Variants in COL6A3 observed in about 807,000 individuals in gnomAD.
COL6A3 encodes collagen alpha-3(VI) chain.
In COL6A3, 137 loss-of-function variants were observed where a neutral mutation model predicts 274.1. That is an observed-to-expected ratio of 0.50 (90% CI 0.44 to 0.58). The LOEUF is 0.58. Ranked by LOEUF, COL6A3 falls within the 20% of genes least tolerant of loss-of-function variation. The pLI, the probability that COL6A3 is intolerant of heterozygous loss-of-function variation, is 0.00. For synonymous variants in COL6A3, 1,650 were observed against 1,650.6 expected (o/e 1.00, Z 0.01); for missense variants, 3,950 against 4,124.9 (o/e 0.96, Z 1.16).
chr2:237,346,360 T>G, intron 32 of COL6A3, 143 bp downstream of exon 32: 2 of 718,340 alleles, frequency 2.8e-6, no homozygotes, highest in Non-Finnish European at 5.1e-6. Context: ...TGCATCATGA[T>G]GTCAGAGAGG....
rs991483917 is a variant in COL6A3, at chr2:237,374,071, C to T, written c.3679+341G>A. On this transcript the variant is annotated intron_variant, in intron 8 of 43. Coordinates refer to ENST00000295550, the MANE Select transcript of COL6A3 (RefSeq NM_004369.4). The surrounding 1 kb of genome is among the most constrained non-coding windows in gnomAD (Gnocchi z 4.8). ...CCTACCAGGGGTCGCAGGACTGATA[C>T]GCAACAGGCGTTATCAGTTAGACGG... 2.0e-5 allele frequency among the ~76,000 whole-genome samples: 3 copies of T among 152,168 alleles called. No individual in the cohort carries two copies. The highest frequency in any genetic ancestry group is 6.5e-5 in the Admixed American group (1 of 15,282).
At chr2:237,409,186 T>C (rs2078792833) in intron 1 of COL6A3, among the ~76,000 whole-genome samples, 1 of 152,204 alleles carries the variant, frequency 6.6e-6, no homozygotes. Flanking sequence ...AGTAGTTTTT[T>C]TGATATTTCA....
rs531096589 is a variant in COL6A3 at position 237,412,025 on chromosome 2, C to A, written c.-31+1928G>T. Among the ~76,000 whole-genome samples, 300 of 152,340 alleles carry A rather than the reference C, an allele frequency of 2.0e-3. 1 individual carries two copies. Among genetic ancestry groups the A allele is most frequent in the African/African-American group, 6.5e-3 (272 of 41,572 alleles). On this transcript the variant is annotated intron_variant, in intron 1 of 43. Transcript: ENST00000295550. The stretch of plus-strand genomic sequence containing the variant: ...TCCTTCCCAAGCCCTCTGCTCCACT[C>A]AGTGTCTGCTTCCTGGCTTCTCTCG...
intron 3 of COL6A3, among the ~76,000 whole-genome samples, chr2:237,390,532 A>G (rs532555495): frequency 6.6e-6 from 1 of 152,206 alleles, no homozygotes. Context: ...GCACAATTTA[A>G]AAGCTTTAAA....
In COL6A3 at chr2:237,380,951, G is replaced by A. The variant is rs562967650; in HGVS notation, c.1861C>T (p.Leu621=). ...CCAGAGAGGGTCCTGAGAGGTGCCA[G>A]CAAGCCAGGCAGCATGCCTTGCAAT... ...APLQGMLPGL[L]APLRTLSGTP... is the part of the protein sequence containing the mutation. The change falls in exon 5 of 44, where the codon CTG becomes TTG. Residue 621 remains leucine (L), a synonymous_variant. Coordinates refer to ENST00000295550, the MANE Select transcript of COL6A3 (RefSeq NM_004369.4). The A allele has an allele frequency of 1.9e-6, 3 of 1,614,104 alleles. No individual in the cohort carries two copies. The African/African-American group carries it at 4.0e-5, about 22-fold the overall frequency.
At chr2:237,333,578 G>A (rs1433301518) in intron 41 of COL6A3, 30 bp from the exon 42 acceptor site, 1 of 1,585,868 alleles carries the variant, frequency 6.3e-7, no homozygotes. Context: ...GCAACTCGTA[G>A]GTAAATCAGA....
intron 37 of COL6A3, among the ~76,000 whole-genome samples, chr2:237,341,558 A>C (rs2076990152): frequency 1.3e-5 from 2 of 151,256 alleles, no homozygotes; most frequent in African/African-American, 2.4e-5. Context: ...AAAAAAAAAA[A>C]AAAAAAAAAA....
At chr2:237,325,497 G>A (rs1699891109) in intron 43 of COL6A3, 63 bp downstream of exon 43, 2 of 1,546,774 alleles carry the variant, frequency 1.3e-6, no homozygotes, top group Non-Finnish European at 1.8e-6. Context: ...TATTTTTCAA[G>A]GTGACTTATT....
At chr2:237,336,593 A>G (rs777952237) in intron 39 of COL6A3, 61 bp from the exon 40 acceptor site, 12 of 1,564,348 alleles carry the variant, frequency 7.7e-6, no homozygotes, top group Non-Finnish European at 1.1e-5. Context: ...AAATAAAGAC[A>G]TAACCCCATG....
At chr2:237,349,627 A>T (rs2077165283) in intron 28 of COL6A3, among the ~76,000 whole-genome samples, 1 of 152,240 alleles carries the variant, frequency 6.6e-6, no homozygotes, top group African/African-American at 2.4e-5. Context: ...TGTAACGTAG[A>T]AATGTACATC....
chr2:237,371,581 G>C lies in COL6A3; in HGVS notation c.4285+151C>G. Reference sequence around the variant, plus strand: ...CCACTGCACTCCAGCCTGGACGACAGAGCCAGACCCTGTCTCAAAATAAAA... The same window carrying C: ...CCACTGCACTCCAGCCTGGACGACACAGCCAGACCCTGTCTCAAAATAAAA... On this transcript the variant is annotated intron_variant, in intron 9 of 43. Coordinates refer to ENST00000295550, the MANE Select transcript of COL6A3 (RefSeq NM_004369.4). The surrounding 1 kb of genome is among the most constrained non-coding windows in gnomAD (Gnocchi z 4.3). 6.8e-7 allele frequency: 1 copy of C among 1,471,250 alleles called. No homozygotes were observed. The highest frequency in any genetic ancestry group is 8.9e-7 in the Non-Finnish European group (1 of 1,117,938). 91.1% of individuals were successfully genotyped at this position (1,471,250 alleles called of 1,614,324 possible). A position where few individuals can be genotyped will look rare whatever the true frequency, so the allele number is the denominator to read the frequency against.
At chr2:237,367,633 A>G (rs1157760435) in intron 10 of COL6A3, among the ~76,000 whole-genome samples, 2 of 152,248 alleles carry the variant, frequency 1.3e-5, no homozygotes, top group East Asian at 3.8e-4. Flanking sequence ...GACATTTGTG[A>G]TCTCAAGTGT....
chr2:237,387,982 C>G lies in COL6A3; in HGVS notation c.912G>C (p.Gln304His). Reference sequence around the variant, plus strand: ...CGAGGGCTTTCACTGCACCCAGAACCTGGGCCTTGGTGGAGTAGGTGTCCA... The same window carrying G: ...CGAGGGCTTTCACTGCACCCAGAACGTGGGCCTTGGTGGAGTAGGTGTCCA... ...FSLDTYSTKAQVLGAVKALGF... is the reference protein window; with the variant it reads ...FSLDTYSTKAHVLGAVKALGF... Residue 304 changes from glutamine (Q) to histidine (H), a missense_variant, in exon 4 of 44, where the codon CAG becomes CAC. Physicochemically the swap from Gln to His is conservative, Grantham distance 24. This residue lies in a region of COL6A3 where 1,934 missense variants were observed against 1,984.3 expected (regional missense o/e 0.97). Transcript: ENST00000295550. 2 of 1,614,246 alleles carry G rather than the reference C, an allele frequency of 1.2e-6. No individual in the cohort carries two copies. The highest frequency in any genetic ancestry group is 1.7e-6 in the Non-Finnish European group (2 of 1,180,048).
chr2:237,370,079 C>G (rs910292252), intron 9 of COL6A3, among the ~76,000 whole-genome samples: 1 of 151,302 alleles, frequency 6.6e-6, no homozygotes, highest in African/African-American at 2.4e-5. Flanking sequence ...CCAGGCTGGT[C>G]TTGAACTCCT....
At position 237,361,643 on chromosome 2, in the gene COL6A3, T is replaced by C; in HGVS notation, c.6156+96A>G. 8.8e-7 allele frequency: 1 copy of C among 1,136,354 alleles called. No individual in the cohort carries two copies. The highest frequency in any genetic ancestry group is 2.3e-5 in the East Asian group (1 of 42,792). The allele number at this position is 1,136,354 out of a possible 1,614,324, so 70.4% of individuals were successfully genotyped here. ...AAATGGTCTCTCGTCTCCTCCTTCA[T>C]CTCCACACTCTTCTGTTAGAGAAAT... On this transcript the variant is annotated intron_variant, in intron 15 of 43. Transcript: ENST00000295550. The surrounding 1 kb of genome is among the most constrained non-coding windows in gnomAD (Gnocchi z 5.1).
At chr2:237,406,742 G>A (rs1443343299) in intron 1 of COL6A3, among the ~76,000 whole-genome samples, 1 of 152,124 alleles carries the variant, frequency 6.6e-6, no homozygotes, top group Non-Finnish European at 1.5e-5. Flanking sequence ...TAGGGTAGGA[G>A]GAGAGTGGAA....
At position 237,398,872 on chromosome 2, in the gene COL6A3, T is replaced by C. The variant is rs186706603; in HGVS notation, c.-30-2025A>G. 2.2e-3 allele frequency among the ~76,000 whole-genome samples: 328 copies of C among 152,340 alleles called. 2 individuals carry two copies. Among genetic ancestry groups the C allele is most frequent in the African/African-American group, 7.3e-3 (304 of 41,576 alleles). On this transcript the variant is annotated intron_variant, in intron 1 of 43. Coordinates refer to ENST00000295550, the MANE Select transcript of COL6A3 (RefSeq NM_004369.4). ...CGACACAGGTAGGCTAGGATGTTATTAAACCGCTGTTTTGGGTGCCATGTT... is the reference window on the plus strand; with the variant it reads ...CGACACAGGTAGGCTAGGATGTTATCAAACCGCTGTTTTGGGTGCCATGTT...
chr2:237,388,019 G>A lies in COL6A3; in HGVS notation c.875C>T (p.Thr292Ile). 6.2e-7 allele frequency: 1 copy of A among 1,614,206 alleles called. No individual in the cohort carries two copies. Reference protein sequence around the residue: ...GVVQFSDEPRTMFSLDTYSTK... With the variant: ...GVVQFSDEPRIMFSLDTYSTK... The stretch of plus-strand genomic sequence containing the variant: ...GGAGTAGGTGTCCAAGGAGAACATG[G>A]TTCTGGGCTCATCGCTAAACTGGAC... Residue 292 changes from threonine to isoleucine, a missense_variant, in exon 4 of 44, where the codon ACC (threonine) becomes ATC (isoleucine). Coordinates refer to ENST00000295550, the MANE Select transcript of COL6A3 (RefSeq NM_004369.4).
chr2:237,327,726 T>C (rs1700024781), intron 42 of COL6A3: 1 of 152,200 alleles, frequency 6.6e-6, no homozygotes. Flanking sequence ...TTTTATGTTC[T>C]TAAGAAGGCT....
Sources: gnomAD v4.1 joint callset for allele counts (sites outside exome capture counted in the v4.1 genomes callset) on GRCh38, gnomAD v4.1.1 for gene constraint, gnomAD v4.1.1 regional missense constraint, Gnocchi (gnomAD v3.1) non-coding constraint, MANE v1.5 for transcripts, NCBI Gene and HGNC (gene_info 2026-07-23, HGNC 2026-07-21) for gene names.